Variants in ACY3 observed in about 807,000 individuals in gnomAD.
ACY3 encodes aminoacylase 3.
Under a neutral mutation model 24.6 loss-of-function variants are expected in ACY3, and 20 were observed. The ratio of observed to expected loss-of-function variants is 0.81; its 90% CI spans 0.57 to 1.18. The LOEUF (loss-of-function observed/expected upper bound fraction) is 1.18, where lower values mean the gene tolerates loss of function less well. ACY3 is among the 50% of genes most tolerant of loss of function. The pLI is 0.00. For synonymous variants in ACY3, 174 were observed against 188.4 expected (o/e 0.92, Z 0.62); for missense variants, 423 against 426.8 (o/e 0.99, Z 0.08).
At chr11:67,643,183 C>G (rs560280341) in intron 7 of ACY3, among the ~76,000 whole-genome samples, 1 of 152,220 alleles carries the variant, frequency 6.6e-6, no homozygotes, top group Non-Finnish European at 1.5e-5. Flanking sequence ...CTCATGGATA[C>G]GGGCACAGGT....
At position 67,647,521 on chromosome 11, in the gene ACY3, A is replaced by C. The variant is rs556225865; in HGVS notation, c.-26T>G. The C allele has an allele frequency of 6.5e-6, 1 of 154,346 alleles. No homozygotes were observed. Among genetic ancestry groups the C allele is most frequent in the South Asian group, 2.1e-4 (1 of 4,844 alleles). The allele number at this position is 154,346 out of a possible 1,614,324, so 9.6% of individuals were successfully genotyped here. On this transcript the variant is annotated 5_prime_UTR_variant, in exon 2 of 8. Coordinates refer to ENST00000255082, the MANE Select transcript of ACY3 (RefSeq NM_080658.2). ...TCAGGTCAGGGGGTACTTACCGCTGATGCGGATCTGGGCTTCCCGGGCCAC... is the reference window on the plus strand; with the variant it reads ...TCAGGTCAGGGGGTACTTACCGCTGCTGCGGATCTGGGCTTCCCGGGCCAC...
rs556225865 is a variant in ACY3 at position 67,647,521 on chromosome 11, A to G, written c.-26T>C. 6.5e-6 allele frequency: 1 copy of G among 154,226 alleles called. No individual in the cohort carries two copies. Among genetic ancestry groups the G allele is most frequent in the Non-Finnish European group, 1.4e-5 (1 of 69,744 alleles). 9.6% of individuals were successfully genotyped at this position (154,226 alleles called of 1,614,324 possible). ...TCAGGTCAGGGGGTACTTACCGCTGATGCGGATCTGGGCTTCCCGGGCCAC... is the reference window on the plus strand; with the variant it reads ...TCAGGTCAGGGGGTACTTACCGCTGGTGCGGATCTGGGCTTCCCGGGCCAC... On this transcript the variant is annotated 5_prime_UTR_variant, in exon 2 of 8. Coordinates refer to ENST00000255082, the MANE Select transcript of ACY3 (RefSeq NM_080658.2).
Position 67,645,457 on chromosome 11 carries a change from G to A in ACY3, c.433-77C>T. On this transcript the variant is annotated intron_variant, in intron 4 of 7. Coordinates refer to ENST00000255082, the MANE Select transcript of ACY3 (RefSeq NM_080658.2). The stretch of plus-strand genomic sequence containing the variant: ...CTGAGGTGGGAAGGTGTTGCATGGA[G>A]GAAACACAGGGCACCACCCTCCTTG... 3 of 1,458,294 alleles carry A rather than the reference G, an allele frequency of 2.1e-6. No homozygotes were observed. The South Asian group carries it at 3.7e-5, about 18-fold the overall frequency. The allele number at this position is 1,458,294 out of a possible 1,614,324, so 90.3% of individuals were successfully genotyped here.
intron 7 of ACY3, 142 bp downstream of exon 7, chr11:67,644,618 C>A: frequency 1.3e-6 from 1 of 764,624 alleles, no homozygotes; most frequent in Non-Finnish European, 2.1e-6. Context: ...TCCCATCCTG[C>A]TCCTCAACCC....
intron 3 of ACY3, 66 bp downstream of exon 3, chr11:67,646,742 G>T: frequency 6.8e-7 from 1 of 1,475,068 alleles, no homozygotes; most frequent in Non-Finnish European, 9.3e-7. Flanking sequence ...GGTGGCGGGA[G>T]GGAAGTTTTG....
At chr11:67,645,512 T>C in intron 4 of ACY3, 132 bp from the exon 5 acceptor site, 2 of 1,237,030 alleles carry the variant, frequency 1.6e-6, no homozygotes, top group Non-Finnish European at 2.2e-6. Context: ...TCTGGCAGGG[T>C]AGGGGAGGGG....
At chr11:67,648,838 T>C (rs531465040) in intron 1 of ACY3, among the ~76,000 whole-genome samples, 7 of 152,280 alleles carry the variant, frequency 4.6e-5, no homozygotes, top group African/African-American at 1.7e-4. Flanking sequence ...CTGGCTCCCA[T>C]CAGGGCAGCT....
chr11:67,645,236 G>T (rs780702044), intron 5 of ACY3, 51 bp downstream of exon 5: 1 of 1,600,644 alleles, frequency 6.2e-7, no homozygotes, highest in Admixed American at 1.7e-5. Context: ...GACTGGACCC[G>T]CCCCTCCAGC....
intron 3 of ACY3, 42 bp downstream of exon 3, chr11:67,646,766 G>T: frequency 6.3e-7 from 1 of 1,583,940 alleles, no homozygotes; most frequent in Non-Finnish European, 8.6e-7. Flanking sequence ...TGGGGACTCG[G>T]TGCCCAACTG....
chr11:67,647,177 G>T, intron 2 of ACY3, 114 bp from the exon 3 acceptor site: 2 of 695,258 alleles, frequency 2.9e-6, no homozygotes, highest in Non-Finnish European at 4.6e-6. Flanking sequence ...GGTGTGGACA[G>T]CTGGGAGTGT....
At position 67,647,005 on chromosome 11, in the gene ACY3, G is replaced by GCGA; in HGVS notation, c.36_38dup (p.Arg13dup). On this transcript the variant is annotated inframe_insertion, in exon 3 of 8. Coordinates refer to ENST00000255082, the MANE Select transcript of ACY3 (RefSeq NM_080658.2). ...CATGCGTGCCCCCAGTCACAGCCAC[G>GCGA]CGACGCAGGGGCTCCCGGGGCACAG... 1 of 1,554,408 alleles carries GCGA rather than the reference G, an allele frequency of 6.4e-7. No individual in the cohort carries two copies. The highest frequency in any genetic ancestry group is 8.7e-7 in the Non-Finnish European group (1 of 1,148,004).
rs1266369122 is a variant in ACY3, at chr11:67,647,063, C to T, written c.-20G>A. 1 of 1,488,062 alleles carries T rather than the reference C, an allele frequency of 6.7e-7. No individual in the cohort carries two copies. Among genetic ancestry groups the T allele is most frequent in the East Asian group, 2.5e-5 (1 of 40,264 alleles). The allele number at this position is 1,488,062 out of a possible 1,614,324, so 92.2% of individuals were successfully genotyped here. ...GCACATGCTGGTGTGGGGTGCAGAA[C>T]CTGGGGGTGGGCATACTTAGGAGAC... On this transcript the variant is annotated splice_region_variant and 5_prime_UTR_variant, in exon 3 of 8. Coordinates refer to ENST00000255082, the MANE Select transcript of ACY3 (RefSeq NM_080658.2).
chr11:67,648,115 T>G (rs1321973628), intron 1 of ACY3, among the ~76,000 whole-genome samples: 1 of 152,258 alleles, frequency 6.6e-6, no homozygotes, highest in East Asian at 1.9e-4. Flanking sequence ...TTCAGTCATT[T>G]TCAAGGACAG....
rs769829764 is a variant in ACY3 at position 67,645,892 on chromosome 11, G to A, written c.237-5C>T. On this transcript the variant is annotated splice_region_variant and splice_polypyrimidine_tract_variant and intron_variant, in intron 3 of 7. Transcript: ENST00000255082. ...TCGTCCGGGGTGGGCCTGGAACTGT[G>A]GAGACGGGAATGGGGGACACCGATC... The A allele has an allele frequency of 6.3e-7, 1 of 1,587,240 alleles. No individual in the cohort carries two copies. Among genetic ancestry groups the A allele is most frequent in the Non-Finnish European group, 8.6e-7 (1 of 1,165,642 alleles).
rs76605945 is a variant in ACY3 at position 67,647,992 on chromosome 11, G to C, written c.-94-403C>G. Reference sequence around the variant, plus strand: ...CAACATGCCTCTGTCCTTGCAGCCCGGAGAGGGCTGTGGTCACTCCTGAGT... The same window carrying C: ...CAACATGCCTCTGTCCTTGCAGCCCCGAGAGGGCTGTGGTCACTCCTGAGT... On this transcript the variant is annotated intron_variant, in intron 1 of 7. Transcript: ENST00000255082. Among the ~76,000 whole-genome samples, 684 of 152,302 alleles carry C rather than the reference G, an allele frequency of 4.5e-3. 4 individuals are homozygous for C. The highest frequency in any genetic ancestry group is 0.015 in the African/African-American group (636 of 41,562).
chr11:67,647,675 G>C (rs937239491), intron 1 of ACY3, 86 bp from the exon 2 acceptor site: 2 of 152,348 alleles, frequency 1.3e-5, no homozygotes, highest in African/African-American at 4.8e-5. Context: ...TGCAGCCAAA[G>C]GTCGGAGTGC....
chr11:67,644,734 A>ACT (rs773003452), intron 7 of ACY3, 26 bp downstream of exon 7: 1 of 918,090 alleles, frequency 1.1e-6, no homozygotes, highest in South Asian at 1.7e-5. Context: ...ACCCCCCACC[A>ACT]CACACACACA....
chr11:67,645,637 C>A (rs1855500636), intron 4 of ACY3, 55 bp downstream of exon 4: 6 of 1,526,242 alleles, frequency 3.9e-6, no homozygotes, highest in Non-Finnish European at 5.3e-6. Flanking sequence ...GTCCCGCCTG[C>A]CCTCCCTCCC....
Position 67,647,019 on chromosome 11 carries a change from C to T in ACY3, c.25G>A (p.Glu9Lys), listed in dbSNP as rs1855531589. The change falls in exon 3 of 8, where the codon GAG (glutamate) becomes AAG (lysine). Residue 9 changes from glutamate (E) to lysine (K), a missense_variant. Coordinates refer to ENST00000255082, the MANE Select transcript of ACY3 (RefSeq NM_080658.2). The stretch of plus-strand genomic sequence containing the variant: ...GTCACAGCCACGCGACGCAGGGGCT[C>T]CCGGGGCACAGGCAGTGAGCACATG... MCSLPVPR[E>K]PLRRVAVTGG... is the part of the protein sequence containing the mutation. The T allele has an allele frequency of 6.5e-7, 1 of 1,546,352 alleles. No individual in the cohort carries two copies. The highest frequency in any genetic ancestry group is 2.0e-5 in the Admixed American group (1 of 50,762).
Sources: gnomAD v4.1 joint callset for allele counts (sites outside exome capture counted in the v4.1 genomes callset) on GRCh38, gnomAD v4.1.1 for gene constraint, MANE v1.5 for transcripts, NCBI Gene and HGNC (gene_info 2026-07-23, HGNC 2026-07-21) for gene names.